The following UPB1 variants were observed in gnomAD, a reference collection of about 807,000 sequenced individuals.
The protein encoded by UPB1 is beta-ureidopropionase 1, also known as beta-ureidopropionase.
Under a neutral mutation model 49.1 loss-of-function variants are expected in UPB1, and 40 were observed. The observed-to-expected ratio is 0.81, with a 90% CI of 0.63 to 1.06. UPB1 has a LOEUF of 1.06. Among genes scored for constraint, UPB1 ranks in the 50% least tolerant of loss-of-function variants. The pLI is 0.00. For synonymous variants in UPB1, 207 were observed against 198.2 expected (o/e 1.04, Z -0.38); for missense variants, 499 against 505.9 (o/e 0.99, Z 0.13).
At chr22:24,515,101 G>C (rs1026224057) in intron 5 of UPB1, 100 bp from the exon 6 acceptor site, 2 of 1,475,716 alleles carry the variant, frequency 1.4e-6, no homozygotes, top group Non-Finnish European at 1.9e-6. Context: ...ACTCAGGAGT[G>C]TAACCACCTC....
At chr22:24,504,015 A>G (rs889861787) in intron 3 of UPB1, among the ~76,000 whole-genome samples, 1 of 152,236 alleles carries the variant, frequency 6.6e-6, no homozygotes, top group African/African-American at 2.4e-5. Flanking sequence ...GCTGCCACAC[A>G]GCATGTGCCA....
In UPB1 at chr22:24,513,400, A is replaced by G; in HGVS notation, c.536A>G (p.Asn179Ser). The change falls in exon 5 of 10, where the codon AAT (asparagine) becomes AGT (serine). Residue 179 changes from asparagine (N) to serine (S), a missense_variant. Transcript: ENST00000326010. ...RDSEHGDVLW[N>S]TAVVISNSGA... ...AGCGAGCATGGGGATGTTTTGTGGA[A>G]TACAGCCGTGGTGATCTCCAATTCC... The G allele has an allele frequency of 6.2e-7, 1 of 1,614,228 alleles. No homozygotes were observed. The highest frequency in any genetic ancestry group is 8.5e-7 in the Non-Finnish European group (1 of 1,180,040).
chr22:24,516,656 C>G (rs974096362), intron 6 of UPB1: 1 of 152,020 alleles, frequency 6.6e-6, no homozygotes, highest in African/African-American at 2.4e-5. Flanking sequence ...GGGTGTGCAG[C>G]TTTAGTCTCT....
Position 24,510,700 on chromosome 22 carries a change from CAG to C in UPB1, c.365-46_365-45del, listed in dbSNP as rs771100618. 9.4e-6 allele frequency: 15 copies of C among 1,589,968 alleles called. No individual in the cohort carries two copies. In the East Asian group the frequency reaches 3.4e-4, roughly 36 times the overall value. On this transcript the variant is annotated intron_variant, in intron 3 of 9. Coordinates refer to ENST00000326010, the MANE Select transcript of UPB1 (RefSeq NM_016327.3). ...CGCTGCTGGGCTGAGGAGCCCCCCT[CAG>C]AGGCTGTGCATGTTGGATATAATTC...
intron 1 of UPB1, among the ~76,000 whole-genome samples, chr22:24,499,404 G>A (rs1393534702): frequency 4.6e-5 from 7 of 152,190 alleles, no homozygotes; most frequent in Admixed American, 1.3e-4. Flanking sequence ...CAGGTATCAG[G>A]AGGTATTTGC....
At chr22:24,505,428 G>A (rs1350682386) in intron 3 of UPB1, among the ~76,000 whole-genome samples, 1 of 152,196 alleles carries the variant, frequency 6.6e-6, no homozygotes, top group Non-Finnish European at 1.5e-5. Context: ...CCCAGTGTTA[G>A]TATCTCTGGG....
At chr22:24,513,280 A>G (rs1213058549) in intron 4 of UPB1, 44 bp from the exon 5 acceptor site, 1 of 1,613,848 alleles carries the variant, frequency 6.2e-7, no homozygotes, top group Non-Finnish European at 8.5e-7. Flanking sequence ...AACTACAACA[A>G]TTGGTTTATA....
intron 4 of UPB1, 149 bp from the exon 5 acceptor site, chr22:24,513,174 TG>T: frequency 9.2e-7 from 1 of 1,084,478 alleles, no homozygotes; most frequent in Non-Finnish European, 1.4e-6. Flanking sequence ...TAGCAAAGCA[TG>T]GACATCAGGG....
At chr22:24,522,696 C>G (rs1161627545) in intron 8 of UPB1, among the ~76,000 whole-genome samples, 2 of 151,258 alleles carry the variant, frequency 1.3e-5, no homozygotes, top group African/African-American at 4.9e-5. Flanking sequence ...CTTTGGGAGG[C>G]TGAGGCGGGC....
intron 3 of UPB1, among the ~76,000 whole-genome samples, chr22:24,510,514 A>G (rs538354695): frequency 6.6e-6 from 1 of 152,280 alleles, no homozygotes; most frequent in South Asian, 2.1e-4. Flanking sequence ...ATATCTGTTC[A>G]AGTCCCTGCT....
At chr22:24,523,502 A>G (rs2044431782) in intron 8 of UPB1, 117 bp from the exon 9 acceptor site, 5 of 1,472,890 alleles carry the variant, frequency 3.4e-6, no homozygotes, top group South Asian at 1.1e-5. Context: ...TTTGGCAGAC[A>G]CTGGGGAGGA....
chr22:24,519,010 G>T (rs1445026924), intron 6 of UPB1, among the ~76,000 whole-genome samples: 1 of 152,130 alleles, frequency 6.6e-6, no homozygotes, highest in African/African-American at 2.4e-5. Context: ...CCAGCTGTGG[G>T]TTTGGGTCCT....
intron 3 of UPB1, among the ~76,000 whole-genome samples, chr22:24,505,590 G>C (rs966696552): frequency 3.8e-4 from 58 of 152,242 alleles, no homozygotes; most frequent in African/African-American, 1.3e-3. Flanking sequence ...CAAAGCCAGA[G>C]AGCCTCTGCT....
chr22:24,523,470 A>G (rs1262080070), intron 8 of UPB1, 149 bp from the exon 9 acceptor site: 1 of 1,148,556 alleles, frequency 8.7e-7, no homozygotes, highest in African/African-American at 1.5e-5. Flanking sequence ...GAGATGAGAG[A>G]CAGGCCTTTT....
chr22:24,515,790 A>G (rs1367856640), intron 6 of UPB1, among the ~76,000 whole-genome samples: 2 of 152,190 alleles, frequency 1.3e-5, no homozygotes, highest in East Asian at 3.8e-4. Context: ...AGCCTAGCCA[A>G]CGTGGTGAAA....
Position 24,520,447 on chromosome 22 carries a change from C to T in UPB1, c.852C>T (p.Cys284=), listed in dbSNP as rs781196303. 1.7e-5 allele frequency: 27 copies of T among 1,613,982 alleles called. No individual in the cohort carries two copies. In the East Asian group the frequency reaches 2.5e-4, roughly 15 times the overall value. ...CCATTGCCAATCACTGCTTCACCTG[C>T]GCCATCAATCGAGTGGGCACCGTAA... ...NAAIANHCFT[C]AINRVGTEHF... is the part of the protein sequence containing the mutation. Residue 284 remains cysteine (C), a synonymous_variant, in exon 7 of 10, where the codon TGC becomes TGT. Coordinates refer to ENST00000326010, the MANE Select transcript of UPB1 (RefSeq NM_016327.3).
rs2147048107 is a variant in UPB1 at position 24,527,007 on chromosome 22, T to C, written c.*1213T>C. On this transcript the variant is annotated 3_prime_UTR_variant, in exon 10 of 10. Transcript: ENST00000326010. ...GTTCTGCTAATGTGGTTGAGCTCCATTTTACACATCAGATTACTCACTTCT... is the reference window on the plus strand; with the variant it reads ...GTTCTGCTAATGTGGTTGAGCTCCACTTTACACATCAGATTACTCACTTCT... 6.6e-6 allele frequency: 1 copy of C among 152,322 alleles called. No individual in the cohort carries two copies. The highest frequency in any genetic ancestry group is 1.9e-4 in the East Asian group (1 of 5,190). 9.4% of individuals were successfully genotyped at this position (152,322 alleles called of 1,614,324 possible). A position where few individuals can be genotyped will look rare whatever the true frequency, so the allele number is the denominator to read the frequency against.
chr22:24,517,594 C>T (rs1181848297), intron 6 of UPB1, among the ~76,000 whole-genome samples: 1 of 152,202 alleles, frequency 6.6e-6, no homozygotes, highest in African/African-American at 2.4e-5. Flanking sequence ...CTATCTCAGG[C>T]TTTTATTGGC....
At chr22:24,517,191 C>T (rs1354745360) in intron 6 of UPB1, among the ~76,000 whole-genome samples, 1 of 152,184 alleles carries the variant, frequency 6.6e-6, no homozygotes, top group Non-Finnish European at 1.5e-5. Flanking sequence ...CTCAGGTCTA[C>T]CACCCTGCCC....
Sources: allele counts gnomAD v4.1 joint callset (sites outside exome capture counted in the v4.1 genomes callset), GRCh38; gene constraint gnomAD v4.1.1; transcripts MANE v1.5; gene names NCBI Gene and HGNC (gene_info 2026-07-23, HGNC 2026-07-21).